Variants in CAMK2D observed in about 807,000 individuals in gnomAD.
The protein encoded by CAMK2D is calcium/calmodulin-dependent protein kinase type II subunit delta.
CAMK2D carries 37 observed loss-of-function variants against 84.0 expected under a neutral mutation model. That is an observed-to-expected ratio of 0.44 (90% CI 0.34 to 0.58). The LOEUF is 0.58. Ranked by LOEUF, CAMK2D falls within the 20% of genes least tolerant of loss-of-function variation. CAMK2D has a pLI of 0.02. For synonymous variants in CAMK2D, 202 were observed against 212.5 expected, an observed-to-expected ratio of 0.95 and a Z score of 0.43; for missense variants, 448 against 652.5, an observed-to-expected ratio of 0.69 and a Z score of 3.41.
At chr4:113,557,344 G>A (rs28727567) in intron 4 of CAMK2D, among the ~76,000 whole-genome samples, 5,939 of 152,142 alleles carry the variant, frequency 0.039, 396 homozygotes, top group African/African-American at 0.13. Flanking sequence ...TCATGTCTCC[G>A]CTTAATTTGT....
chr4:113,454,765 GAGAC>G (rs1244219309), intron 20 of CAMK2D, among the ~76,000 whole-genome samples: 8 of 152,124 alleles, frequency 5.3e-5, no homozygotes, highest in African/African-American at 9.7e-5. Flanking sequence ...TAAAAATAAA[GAGAC>G]AGAGACACAG....
chr4:113,470,235 T>A (rs866588395), intron 16 of CAMK2D, among the ~76,000 whole-genome samples: 34 of 152,324 alleles, frequency 2.2e-4, no homozygotes, highest in African/African-American at 7.2e-4. Flanking sequence ...ATGGACATTC[T>A]GCCTCCTATT....
chr4:113,534,358 G>A lies in CAMK2D; in HGVS notation c.517+2983C>T, dbSNP rs193263094. ...AAAGAAAAAGAAAGAGAAAAAAGAAGTATATTCTCCCAAGTTTAGACACTC... is the reference window on the plus strand; with the variant it reads ...AAAGAAAAAGAAAGAGAAAAAAGAAATATATTCTCCCAAGTTTAGACACTC... On this transcript the variant is annotated intron_variant, in intron 7 of 20. Transcript: ENST00000511664. Among the ~76,000 whole-genome samples the A allele has an allele frequency of 3.4e-3, 522 of 152,276 alleles. 3 individuals are homozygous for A. Among genetic ancestry groups the A allele is most frequent in the African/African-American group, 0.012 (491 of 41,582 alleles).
In CAMK2D at chr4:113,515,146, G is replaced by C; in HGVS notation, c.742C>G (p.Leu248Val). The C allele has an allele frequency of 6.2e-7, 1 of 1,611,066 alleles. No homozygotes were observed. Among genetic ancestry groups the C allele is most frequent in the Non-Finnish European group, 8.5e-7 (1 of 1,177,464 alleles). The stretch of plus-strand genomic sequence containing the variant: ...TTGATAGTAAGCATTTTATTGATGA[G>C]GTCTTTGGCTTCAGGAGTCACCGTG... Reference protein sequence around the residue: ...WDTVTPEAKDLINKMLTINPA... With the variant: ...WDTVTPEAKDVINKMLTINPA... The change falls in exon 10 of 21, where the codon CTC becomes GTC. Residue 248 changes from leucine (L) to valine (V), a missense_variant. By Grantham distance (32) the Leu-to-Val change is conservative. This residue lies in a region of CAMK2D where 69 missense variants were observed against 175.6 expected (regional missense o/e 0.39). Transcript: ENST00000511664.
intron 3 of CAMK2D, among the ~76,000 whole-genome samples, chr4:113,642,697 G>A (rs556130983): frequency 6.6e-6 from 1 of 152,068 alleles, no homozygotes; most frequent in Non-Finnish European, 1.5e-5. Flanking sequence ...GCTGTCTGTG[G>A]AAGCTGGTTA....
rs185751927 is a variant in CAMK2D at position 113,702,635 on chromosome 4, A to G, written c.161-40863T>C. Among the ~76,000 whole-genome samples the G allele has an allele frequency of 3.0e-3, 452 of 152,332 alleles. 15 individuals carry two copies. Among genetic ancestry groups the G allele is most frequent in the Admixed American group, 0.027 (409 of 15,298 alleles). ...ATTAATATGAAAATATTGGTTGGGC[A>G]CAGTGGCTCACATCTGTAATCCCAG... On this transcript the variant is annotated intron_variant, in intron 2 of 20. Transcript: ENST00000511664.
intron 2 of CAMK2D, among the ~76,000 whole-genome samples, chr4:113,725,679 A>T: frequency 6.6e-6 from 1 of 152,114 alleles, no homozygotes; most frequent in East Asian, 1.9e-4. Flanking sequence ...ACTAAATTAT[A>T]TTTTAGTGTT....
intron 3 of CAMK2D, among the ~76,000 whole-genome samples, chr4:113,651,573 A>T (rs1358997911): frequency 6.6e-6 from 1 of 152,168 alleles, no homozygotes; most frequent in African/African-American, 2.4e-5. Context: ...ATAAGCAATG[A>T]TTGTTTTAAA....
rs572663057 is a variant in CAMK2D at position 113,622,714 on chromosome 4, T to C, written c.221-13508A>G. On this transcript the variant is annotated intron_variant, in intron 3 of 20. Transcript: ENST00000511664. ...AGGAGCTCAAGGCTACAGTGAGCCA[T>C]GTTTGCACCACTGCGCTCCAACCTG... Among the ~76,000 whole-genome samples the C allele has an allele frequency of 1.4e-4, 22 of 152,294 alleles. No individual in the cohort carries two copies. In the East Asian group the frequency reaches 4.2e-3, roughly 29 times the overall value.
intron 2 of CAMK2D, among the ~76,000 whole-genome samples, chr4:113,673,994 G>GTATTTTAATAAAATAGTC (rs57252635): frequency 0.34 from 50,995 of 151,946 alleles, 9,315 homozygotes; most frequent in African/African-American, 0.49. Flanking sequence ...TCTGATTACA[G>GTATTTTAATAAAATAGTC]ATTTATTATA....
chr4:113,589,968 T>A (rs2098856834), intron 4 of CAMK2D, among the ~76,000 whole-genome samples: 1 of 152,192 alleles, frequency 6.6e-6, no homozygotes, highest in Non-Finnish European at 1.5e-5. Flanking sequence ...CTCTATGGTA[T>A]GGCCAAATTA....
intron 2 of CAMK2D, among the ~76,000 whole-genome samples, chr4:113,701,393 G>C (rs1050027189): frequency 6.6e-6 from 1 of 152,202 alleles, no homozygotes; most frequent in African/African-American, 2.4e-5. Context: ...CTGAGATGGG[G>C]TGTGGTATGC....
intron 4 of CAMK2D, among the ~76,000 whole-genome samples, chr4:113,565,344 A>G (rs1001621370): frequency 6.6e-6 from 1 of 152,142 alleles, no homozygotes; most frequent in Non-Finnish European, 1.5e-5. Flanking sequence ...TAGAAGAGTT[A>G]CTTTCACGCA....
chr4:113,624,115 T>A (rs181730203), intron 3 of CAMK2D, among the ~76,000 whole-genome samples: 115 of 152,302 alleles, frequency 7.6e-4, no homozygotes, highest in African/African-American at 2.7e-3. Context: ...TTCCTTCTAT[T>A]TTCTGTAGTT....
intron 4 of CAMK2D, among the ~76,000 whole-genome samples, chr4:113,559,712 T>C (rs1202946283): frequency 6.6e-6 from 1 of 152,286 alleles, no homozygotes; most frequent in Admixed American, 6.5e-5. Flanking sequence ...TGAAATCGTT[T>C]CTGTGTATCA....
At chr4:113,686,690 G>T (rs753989218) in intron 2 of CAMK2D, among the ~76,000 whole-genome samples, 5 of 152,088 alleles carry the variant, frequency 3.3e-5, no homozygotes, top group Non-Finnish European at 5.9e-5. Flanking sequence ...GTCCTACAAT[G>T]CTCTCAATAT....
At chr4:113,504,103 G>A (rs1464577664) in intron 14 of CAMK2D, among the ~76,000 whole-genome samples, 1 of 152,142 alleles carries the variant, frequency 6.6e-6, no homozygotes, top group African/African-American at 2.4e-5. Context: ...GTTAACTCAA[G>A]TGAAATGATT....
chr4:113,636,348 C>T (rs560407703), intron 3 of CAMK2D, among the ~76,000 whole-genome samples: 56 of 152,292 alleles, frequency 3.7e-4, no homozygotes, highest in Non-Finnish European at 6.8e-4. Context: ...TTCAAGCCAC[C>T]GATTACTCCA....
intron 15 of CAMK2D, among the ~76,000 whole-genome samples, chr4:113,502,382 G>A (rs1590254571): frequency 3.4e-5 from 5 of 146,268 alleles, no homozygotes; most frequent in Non-Finnish European, 1.5e-5. Context: ...TCAAATTCAT[G>A]CCAAACAACA....
Sources: allele counts gnomAD v4.1 joint callset (sites outside exome capture counted in the v4.1 genomes callset), GRCh38; gene constraint gnomAD v4.1.1; regional missense constraint gnomAD v4.1.1; transcripts MANE v1.5; gene names NCBI Gene and HGNC (gene_info 2026-07-23, HGNC 2026-07-21).